VIRMA: variants seen among roughly 807,000 people sequenced by gnomAD.
VIRMA encodes the protein vir like m6A methyltransferase associated, also known as protein virilizer homolog.
A neutral mutation model predicts 182.4 loss-of-function variants in VIRMA; 65 were observed. That is an observed-to-expected ratio of 0.36 (90% CI 0.29 to 0.44). VIRMA has a LOEUF of 0.44. Among genes scored for constraint, VIRMA ranks in the 20% least tolerant of loss-of-function variants. The probability of loss-of-function intolerance (pLI) is 1.00; values close to 1 mark genes in which losing one functional copy is unlikely to be tolerated. For synonymous variants in VIRMA, 709 were observed against 743.1 expected (o/e 0.95, Z 0.75); for missense variants, 1,752 against 2,158.1 (o/e 0.81, Z 3.73).
In VIRMA at chr8:94,509,802, T is replaced by A; in HGVS notation, c.3765A>T (p.Arg1255Ser). 1 of 1,614,138 alleles carries A rather than the reference T, an allele frequency of 6.2e-7. No individual in the cohort carries two copies. Residue 1255 changes from arginine (R) to serine (S), a missense_variant, in exon 15 of 24, where the codon AGA becomes AGT. Coordinates refer to ENST00000297591, the MANE Select transcript of VIRMA (RefSeq NM_015496.5). ...AAAGATCCTGGAATATCTCTGCATA[T>A]CTTTCATCACCTTTAATAGTTCCAT... Reference protein sequence around the residue: ...LINGTIKGDERYAEIFQDLLA... With the variant: ...LINGTIKGDESYAEIFQDLLA...
At position 94,542,458 on chromosome 8, in the gene VIRMA, G is replaced by A. The variant is rs536731799; in HGVS notation, c.179+1369C>T. Among the ~76,000 whole-genome samples the A allele has an allele frequency of 5.3e-4, 80 of 152,294 alleles. 1 individual carries two copies. The highest frequency in any genetic ancestry group is 1.7e-3 in the African/African-American group (70 of 41,550). ...ATGAAAGAACCTGAGCCAGCTAAGCGACTCCCAGAATCCTGACCCTCAGAA... is the reference window on the plus strand; with the variant it reads ...ATGAAAGAACCTGAGCCAGCTAAGCAACTCCCAGAATCCTGACCCTCAGAA... On this transcript the variant is annotated intron_variant, in intron 2 of 23. Coordinates refer to ENST00000297591, the MANE Select transcript of VIRMA (RefSeq NM_015496.5).
intron 17 of VIRMA, 82 bp downstream of exon 17, chr8:94,499,292 T>C: frequency 2.0e-6 from 2 of 987,166 alleles, no homozygotes; most frequent in Non-Finnish European, 2.9e-6. Context: ...TGAGCCATCG[T>C]ACTTGGCCAA....
At chr8:94,498,615 C>T (rs537646924) in intron 17 of VIRMA, 1 of 152,340 alleles carries the variant, frequency 6.6e-6, no homozygotes, top group Admixed American at 6.5e-5. Context: ...GATGGGACTA[C>T]TGGTGGGCAC....
At chr8:94,496,113 A>T (rs984324694) in intron 18 of VIRMA, 51 of 616,346 alleles carry the variant, frequency 8.3e-5, no homozygotes, top group East Asian at 2.6e-4. Context: ...TCCAAGGAAC[A>T]GACAATTCAA....
intron 11 of VIRMA, among the ~76,000 whole-genome samples, chr8:94,513,736 A>ACTCAACCAT (rs1814454772): frequency 6.6e-6 from 1 of 151,870 alleles, no homozygotes; most frequent in Non-Finnish European, 1.5e-5. Flanking sequence ...GTTAATACTC[A>ACTCAACCAT]CTCAACCATG....
Position 94,548,026 on chromosome 8 carries a change from C to A in VIRMA, c.64-4084G>T, listed in dbSNP as rs1016363674. ...CTCCAACCTGGGCAACAGAGCAAGA[C>A]CCTGTTTCAAAAAATATATATAGCA... On this transcript the variant is annotated intron_variant, in intron 1 of 23. Coordinates refer to ENST00000297591, the MANE Select transcript of VIRMA (RefSeq NM_015496.5). Among the ~76,000 whole-genome samples the A allele has an allele frequency of 4.6e-5, 7 of 150,880 alleles. No individual in the cohort carries two copies. In the South Asian group the frequency reaches 1.0e-3, roughly 22 times the overall value.
At position 94,487,916 on chromosome 8, in the gene VIRMA, G is replaced by A. The variant is rs1193419773; in HGVS notation, c.*790C>T. On this transcript the variant is annotated 3_prime_UTR_variant, in exon 24 of 24. Coordinates refer to ENST00000297591, the MANE Select transcript of VIRMA (RefSeq NM_015496.5). ...ATAAAATAGTGTCAGTAGGTCCAAAGCTGAAATGCAAAGTTCAGATTTCTA... is the reference window on the plus strand; with the variant it reads ...ATAAAATAGTGTCAGTAGGTCCAAAACTGAAATGCAAAGTTCAGATTTCTA... The A allele has an allele frequency of 6.6e-6, 1 of 152,182 alleles. No individual in the cohort carries two copies. The highest frequency in any genetic ancestry group is 2.4e-5 in the African/African-American group (1 of 41,454). The allele number at this position is 152,182 out of a possible 1,614,324, so 9.4% of individuals were successfully genotyped here.
At chr8:94,503,723 T>G (rs1814066620) in intron 16 of VIRMA, among the ~76,000 whole-genome samples, 1 of 152,116 alleles carries the variant, frequency 6.6e-6, no homozygotes, top group Non-Finnish European at 1.5e-5. Context: ...GTAAGGTGGG[T>G]GAAGGGCACA....
chr8:94,550,826 C>T (rs774038277), intron 1 of VIRMA, among the ~76,000 whole-genome samples: 1 of 152,128 alleles, frequency 6.6e-6, no homozygotes, highest in Admixed American at 6.5e-5. Flanking sequence ...GCTAGCAATT[C>T]TCCTGCCTCA....
rs145019515 is a variant in VIRMA at position 94,505,792 on chromosome 8, A to G, written c.4097+708T>C. On this transcript the variant is annotated intron_variant, in intron 16 of 23. Transcript: ENST00000297591. ...TAGGTATGAGCCACCATGCTCAGCT[A>G]TTTATATAATTTCAGATTAATTTTG... Among the ~76,000 whole-genome samples, 514 of 152,274 alleles carry G rather than the reference A, an allele frequency of 3.4e-3. 1 individual carries two copies. Among genetic ancestry groups the G allele is most frequent in the African/African-American group, 0.012 (497 of 41,568 alleles).
chr8:94,511,312 T>C lies in VIRMA; in HGVS notation c.3263A>G (p.Asn1088Ser). 4 of 1,613,854 alleles carry C rather than the reference T, an allele frequency of 2.5e-6. No homozygotes were observed. The highest frequency in any genetic ancestry group is 3.4e-6 in the Non-Finnish European group (4 of 1,179,950). The change falls in exon 13 of 24, where the codon AAT becomes AGT. Residue 1088 changes from asparagine (N) to serine (S), a missense_variant. Around this residue, in one of 11 missense-constraint regions of VIRMA, gnomAD observed 777 missense variants for 920.6 expected, o/e 0.84. Coordinates refer to ENST00000297591, the MANE Select transcript of VIRMA (RefSeq NM_015496.5). ...KLTISEETLA[N>S]NTWSLMLKEV... ...TTTTAACATTAAAGACCAAGTATTA[T>C]TGGCCAGAGTCTCTTCTGAGATTGT...
At chr8:94,498,478 A>T (rs888453581) in intron 17 of VIRMA, 44 of 152,110 alleles carry the variant, frequency 2.9e-4, no homozygotes, top group Non-Finnish European at 5.9e-5. Context: ...AATGTCATAA[A>T]TTTTTTTCTT....
chr8:94,500,201 C>G (rs1813923071), intron 16 of VIRMA, among the ~76,000 whole-genome samples: 1 of 151,932 alleles, frequency 6.6e-6, no homozygotes, highest in African/African-American at 2.4e-5. Context: ...AGATCAAGAC[C>G]ATCCTGGCTA....
chr8:94,500,622 G>T (rs1245502415), intron 16 of VIRMA, among the ~76,000 whole-genome samples: 1 of 150,750 alleles, frequency 6.6e-6, no homozygotes, highest in Non-Finnish European at 1.5e-5. Context: ...ATGAAAAATG[G>T]TATCTCTACT....
At position 94,505,755 on chromosome 8, in the gene VIRMA, G is replaced by A. The variant is rs188452398; in HGVS notation, c.4097+745C>T. On this transcript the variant is annotated intron_variant, in intron 16 of 23. Coordinates refer to ENST00000297591, the MANE Select transcript of VIRMA (RefSeq NM_015496.5). ...GATCCTCCCACCTCAGTCTCTTGAA[G>A]TGCTGAAATTATAGGTATGAGCCAC... is the stretch of plus-strand genomic sequence containing the variant. Among the ~76,000 whole-genome samples, 1,355 of 152,182 alleles carry A rather than the reference G, an allele frequency of 8.9e-3. 31 individuals carry two copies. The highest frequency in any genetic ancestry group is 0.037 in the Admixed American group (565 of 15,276).
Position 94,509,754 on chromosome 8 carries a change from T to A in VIRMA, c.3813A>T (p.Gly1271=), listed in dbSNP as rs1283805067. Residue 1271 remains glycine, a synonymous_variant, in exon 15 of 24, where the codon GGA becomes GGT. Coordinates refer to ENST00000297591, the MANE Select transcript of VIRMA (RefSeq NM_015496.5). Reference sequence around the variant, plus strand: ...CACACTGTTGGCGAATAACACTGTCTCCAGGAGACCGCACCAAAGCTAAAA... The same window carrying A: ...CACACTGTTGGCGAATAACACTGTCACCAGGAGACCGCACCAAAGCTAAAA... ...QDLLALVRSP[G]DSVIRQQCVE... 6.2e-7 allele frequency: 1 copy of A among 1,614,072 alleles called. No homozygotes were observed. The highest frequency in any genetic ancestry group is 1.3e-5 in the African/African-American group (1 of 75,036).
At chr8:94,543,260 G>C (rs1159775847) in intron 2 of VIRMA, among the ~76,000 whole-genome samples, 1 of 151,652 alleles carries the variant, frequency 6.6e-6, no homozygotes, top group Non-Finnish European at 1.5e-5. Context: ...CAAAAAATTA[G>C]CCAGGTGTGG....
intron 4 of VIRMA, among the ~76,000 whole-genome samples, chr8:94,535,882 A>G (rs1051085134): frequency 5.3e-5 from 8 of 152,224 alleles, no homozygotes; most frequent in African/African-American, 1.9e-4. Flanking sequence ...CAATGCCATT[A>G]ACCCTCAATA....
At chr8:94,521,495 T>C (rs1814768350) in intron 8 of VIRMA, among the ~76,000 whole-genome samples, 1 of 152,154 alleles carries the variant, frequency 6.6e-6, no homozygotes. Flanking sequence ...TGTCAAAACA[T>C]CTCTTGACTA....
Sources: allele counts gnomAD v4.1 joint callset (sites outside exome capture counted in the v4.1 genomes callset), GRCh38; gene constraint gnomAD v4.1.1; regional missense constraint gnomAD v4.1.1; transcripts MANE v1.5; gene names NCBI Gene and HGNC (gene_info 2026-07-23, HGNC 2026-07-21).